The following QSER1 variants were observed in gnomAD, a reference collection of about 807,000 sequenced individuals.
QSER1 encodes glutamine and serine rich 1.
QSER1 carries 49 observed loss-of-function variants against 158.5 expected under a neutral mutation model. That is an observed-to-expected ratio of 0.31 (90% CI 0.25 to 0.39). QSER1 has a LOEUF of 0.39. Among genes scored for constraint, QSER1 ranks in the 10% least tolerant of loss-of-function variants. The probability of loss-of-function intolerance (pLI) is 1.00; values close to 1 mark genes in which losing one functional copy is unlikely to be tolerated. For synonymous variants in QSER1, 650 were observed against 715.5 expected (o/e 0.91, Z 1.46); for missense variants, 1,754 against 2,010.3 (o/e 0.87, Z 2.44).
chr11:32,934,702 T>A lies in QSER1; in HGVS notation c.3444T>A (p.Ala1148=). ...SSSRSISGEN[A]TSESEFTLGG... ...GTAGAAGTATAAGTGGAGAGAATGC[T>A]ACATCAGAGAGTGAATTTACCTTAG... The change falls in exon 4 of 13, where the codon GCT becomes GCA. Residue 1148 remains alanine, a synonymous_variant. Coordinates refer to ENST00000650167, the MANE Select transcript of QSER1 (RefSeq NM_001076786.3). 1 of 1,613,716 alleles carries A rather than the reference T, an allele frequency of 6.2e-7. No individual in the cohort carries two copies. Among genetic ancestry groups the A allele is most frequent in the Non-Finnish European group, 8.5e-7 (1 of 1,179,844 alleles).
In QSER1 at chr11:32,976,357, T is replaced by C; in HGVS notation, c.5478T>C (p.Asn1826=). The C allele has an allele frequency of 6.3e-7, 1 of 1,587,922 alleles. No individual in the cohort carries two copies. Among genetic ancestry groups the C allele is most frequent in the Non-Finnish European group, 8.5e-7 (1 of 1,172,694 alleles). Residue 1826 remains asparagine, a synonymous_variant, in exon 13 of 13, where the codon AAT becomes AAC. Coordinates refer to ENST00000650167, the MANE Select transcript of QSER1 (RefSeq NM_001076786.3). ...AGATTTCTTCGGTGCAGAAAAAAAA[T>C]GAAGATTTAGGACAGGAGGAAATTG... is the stretch of plus-strand genomic sequence containing the variant. ...KDEISSVQKK[N]EDLGQEEIVQ...
Position 32,970,946 on chromosome 11 carries a change from C to CTTTT in QSER1, c.5205+1824_5205+1827dup, listed in dbSNP as rs776051259. Among the ~76,000 whole-genome samples, 452 of 76,916 alleles carry CTTTT rather than the reference C, an allele frequency of 5.9e-3. 17 individuals are homozygous for CTTTT. Among genetic ancestry groups the CTTTT allele is most frequent in the Middle Eastern group, 0.038 (2 of 52 alleles). 50.5% of individuals were successfully genotyped at this position (76,916 alleles called of 152,430 possible). ...GATAATTGTCATATAAAGCAATTTG[C>CTTTT]TTTTTTTTTTTTTTTTTTTTTTTTG... On this transcript the variant is annotated intron_variant, in intron 10 of 12. Transcript: ENST00000650167.
intron 1 of QSER1, among the ~76,000 whole-genome samples, chr11:32,920,660 TTAA>T (rs1240324459): frequency 7.2e-5 from 11 of 152,152 alleles, no homozygotes; most frequent in African/African-American, 2.4e-4. Context: ...CTCTTATACT[TTAA>T]TAATAAAAAG....
intron 1 of QSER1, among the ~76,000 whole-genome samples, chr11:32,909,127 T>TCCAG (rs1432410984): frequency 2.6e-5 from 4 of 152,142 alleles, no homozygotes; most frequent in Non-Finnish European, 5.9e-5. Flanking sequence ...GCCACTGCAC[T>TCCAG]CCAGCCGGGC....
In QSER1 at chr11:32,934,545, A is replaced by T; in HGVS notation, c.3287A>T (p.His1096Leu). The change falls in exon 4 of 13, where the codon CAT becomes CTT. Residue 1096 changes from histidine to leucine, a missense_variant. Coordinates refer to ENST00000650167, the MANE Select transcript of QSER1 (RefSeq NM_001076786.3). ...KVTSAVVGPSHEVQEQSSGPF... is the reference protein window; with the variant it reads ...KVTSAVVGPSLEVQEQSSGPF... ...ACTTCAGCAGTGGTTGGACCAAGTC[A>T]TGAAGTCCAGGAGCAAAGTTCTGGC... The T allele has an allele frequency of 6.2e-7, 1 of 1,613,552 alleles. No individual in the cohort carries two copies. Among genetic ancestry groups the T allele is most frequent in the Non-Finnish European group, 8.5e-7 (1 of 1,179,972 alleles).
chr11:32,953,764 C>T, intron 4 of QSER1, 93 bp from the exon 5 acceptor site: 1 of 1,408,146 alleles, frequency 7.1e-7, no homozygotes, highest in Non-Finnish European at 9.5e-7. Context: ...ACAAAATAAT[C>T]AAGTCTTTCT....
chr11:32,958,220 T>A, intron 8 of QSER1, 134 bp downstream of exon 8: 1 of 758,580 alleles, frequency 1.3e-6, no homozygotes, highest in Non-Finnish European at 2.1e-6. Flanking sequence ...TGTTTAGGTT[T>A]TTATGAAAGT....
At chr11:32,929,555 A>T (rs1852018581) in intron 3 of QSER1, among the ~76,000 whole-genome samples, 1 of 152,184 alleles carries the variant, frequency 6.6e-6, no homozygotes, top group Non-Finnish European at 1.5e-5. Context: ...AAAGGAATTT[A>T]ATGGATTTTT....
chr11:32,916,781 TA>T (rs1465150035), intron 1 of QSER1, among the ~76,000 whole-genome samples: 2 of 61,586 alleles, frequency 3.2e-5, no homozygotes, highest in East Asian at 1.2e-3. Context: ...GGCATGACTC[TA>T]TTTTTTTTTT....
intron 10 of QSER1, among the ~76,000 whole-genome samples, chr11:32,973,125 A>G (rs1852900901): frequency 6.6e-6 from 1 of 152,226 alleles, no homozygotes; most frequent in Admixed American, 6.5e-5. Flanking sequence ...GAGTTGGCTC[A>G]GATTTAAGGG....
intron 1 of QSER1, among the ~76,000 whole-genome samples, chr11:32,900,585 C>T (rs746567839): frequency 2.0e-5 from 3 of 151,890 alleles, no homozygotes; most frequent in Non-Finnish European, 4.4e-5. Context: ...AATGACTTAT[C>T]GTGGCCTACA....
At chr11:32,938,931 A>G (rs939982321) in intron 4 of QSER1, among the ~76,000 whole-genome samples, 2 of 152,120 alleles carry the variant, frequency 1.3e-5, no homozygotes, top group African/African-American at 2.4e-5. Context: ...TCTGAATTCT[A>G]TATTTGCATT....
chr11:32,927,446 C>T (rs1238842089), intron 2 of QSER1, among the ~76,000 whole-genome samples, 177 bp downstream of exon 2: 2 of 152,148 alleles, frequency 1.3e-5, no homozygotes, highest in South Asian at 2.1e-4. Context: ...CTCGCTCTGT[C>T]GGCCAGGCTG....
At chr11:32,945,815 A>G (rs1031413607) in intron 4 of QSER1, among the ~76,000 whole-genome samples, 1 of 152,058 alleles carries the variant, frequency 6.6e-6, no homozygotes, top group African/African-American at 2.4e-5. Flanking sequence ...TCTCCTGGAT[A>G]ATACCCTGCA....
In QSER1 at chr11:32,953,893, A is replaced by G. The variant is rs199580773; in HGVS notation, c.4214A>G (p.Asn1405Ser). The G allele has an allele frequency of 8.9e-5, 144 of 1,614,050 alleles. No individual in the cohort carries two copies. In the African/African-American group the frequency reaches 1.5e-3, roughly 17 times the overall value. ...LQVATTSPTANTTGTATTSST... is the reference protein window; with the variant it reads ...LQVATTSPTASTTGTATTSST... Reference sequence around the variant, plus strand: ...GTGGCAACTACTAGCCCAACTGCCAATACTACTGGTACTGCTACTACTTCC... The same window carrying G: ...GTGGCAACTACTAGCCCAACTGCCAGTACTACTGGTACTGCTACTACTTCC... The change falls in exon 5 of 13, where the codon AAT becomes AGT. Residue 1405 changes from asparagine to serine, a missense_variant. Asn to Ser is a conservative substitution (Grantham distance 46, BLOSUM62 1). This residue lies in a region of QSER1 where 1,707 missense variants were observed against 1,919.6 expected (regional missense o/e 0.89). Transcript: ENST00000650167.
Position 32,978,777 on chromosome 11 carries a change from C to T in QSER1, c.*2303C>T, listed in dbSNP as rs1853019540. ...GATGCATCATCTTCTCTCATTTGAT[C>T]CATAGAGCATAGGCAAAGATGTCAA... On this transcript the variant is annotated 3_prime_UTR_variant, in exon 13 of 13. Transcript: ENST00000650167. The T allele has an allele frequency of 2.0e-5, 3 of 151,092 alleles. No individual in the cohort carries two copies. In the South Asian group the frequency reaches 6.3e-4, roughly 32 times the overall value. 9.4% of individuals were successfully genotyped at this position (151,092 alleles called of 1,614,324 possible). A position where few individuals can be genotyped will look rare whatever the true frequency, so the allele number is the denominator to read the frequency against.
chr11:32,893,880 G>C lies in QSER1; in HGVS notation c.209+546G>C, dbSNP rs1000247717. The stretch of plus-strand genomic sequence containing the variant: ...TCCCCGGGGCGCAGGGCAGAAGAGG[G>C]GGCCCGGCAGGGCGCGAACGCGGCT... On this transcript the variant is annotated intron_variant, in intron 1 of 12. Coordinates refer to ENST00000650167, the MANE Select transcript of QSER1 (RefSeq NM_001076786.3). The surrounding 1 kb of genome is among the most constrained non-coding windows in gnomAD (Gnocchi z 4.7). Among the ~76,000 whole-genome samples, 8 of 152,240 alleles carry C rather than the reference G, an allele frequency of 5.3e-5. No individual in the cohort carries two copies. Among genetic ancestry groups the C allele is most frequent in the Non-Finnish European group, 1.2e-4 (8 of 68,040 alleles).
chr11:32,938,239 A>G (rs1180436983), intron 4 of QSER1, among the ~76,000 whole-genome samples: 2 of 152,206 alleles, frequency 1.3e-5, no homozygotes, highest in East Asian at 3.8e-4. Flanking sequence ...GAGAGGACTC[A>G]GGGACATAAA....
intron 1 of QSER1, among the ~76,000 whole-genome samples, chr11:32,904,123 CA>C (rs1851659740): frequency 6.6e-6 from 1 of 152,038 alleles, no homozygotes; most frequent in South Asian, 2.1e-4. Context: ...TGACTCAGGC[CA>C]GTCTAGCCAG....
Sources: allele counts gnomAD v4.1 joint callset (sites outside exome capture counted in the v4.1 genomes callset), GRCh38; gene constraint gnomAD v4.1.1; regional missense constraint gnomAD v4.1.1; non-coding constraint Gnocchi (gnomAD v3.1); transcripts MANE v1.5; gene names NCBI Gene and HGNC (gene_info 2026-07-23, HGNC 2026-07-21).